TPCN2: variants seen among roughly 807,000 people sequenced by gnomAD.
The protein encoded by TPCN2 is two pore channel protein 2.
TPCN2 carries 92 observed loss-of-function variants against 111.4 expected under a neutral mutation model. The observed-to-expected ratio is 0.83, with a 90% CI of 0.70 to 0.98. The LOEUF (loss-of-function observed/expected upper bound fraction) is 0.98, where lower values mean the gene tolerates loss of function less well. TPCN2 is among the 50% of genes least tolerant of loss of function. The pLI, the probability that TPCN2 is intolerant of heterozygous loss-of-function variation, is 0.00. For synonymous variants in TPCN2, 405 were observed against 414.5 expected, an observed-to-expected ratio of 0.98 and a Z score of 0.28; for missense variants, 995 against 980.1, an observed-to-expected ratio of 1.02 and a Z score of -0.20.
At position 69,078,590 on chromosome 11, in the gene TPCN2, G is replaced by T. The variant is rs1432558720; in HGVS notation, c.1339G>T (p.Val447Leu). 3 of 1,613,920 alleles carry T rather than the reference G, an allele frequency of 1.9e-6. No individual in the cohort carries two copies. Among genetic ancestry groups the T allele is most frequent in the African/African-American group, 2.7e-5 (2 of 74,946 alleles). ...LGNLIALANL[V>L]SICVFLVLDA... ...GAACCTCATCGCCCTGGCAAACCTGGTGTCCATTTGCGTGAGTGTGGATTT... is the reference window on the plus strand; with the variant it reads ...GAACCTCATCGCCCTGGCAAACCTGTTGTCCATTTGCGTGAGTGTGGATTT... Residue 447 changes from valine to leucine, a missense_variant, in exon 14 of 25, where the codon GTG becomes TTG. By Grantham distance (32) the Val-to-Leu change is conservative. Transcript: ENST00000294309.
In TPCN2 at chr11:69,083,989, CA is replaced by C; in HGVS notation, c.1735del (p.Met579CysfsTer71). On this transcript the variant is annotated frameshift_variant, in exon 19 of 25. Transcript: ENST00000294309. LOFTEE classifies it high-confidence loss of function. ...ASTVLGLVQN[M>X]RAFGGILVVV... ...GTACCGTCCTGGGCCTGGTGCAGAA[CA>C]TGCGTGCGTTTGGCGGGATCCTGGT... 1 of 1,614,168 alleles carries C rather than the reference CA, an allele frequency of 6.2e-7. No homozygotes were observed. The highest frequency in any genetic ancestry group is 8.5e-7 in the Non-Finnish European group (1 of 1,180,036).
At chr11:69,056,783 G>A (rs1854792158) in intron 4 of TPCN2, among the ~76,000 whole-genome samples, 2 of 151,698 alleles carry the variant, frequency 1.3e-5, no homozygotes, top group Admixed American at 6.6e-5. Flanking sequence ...TGCCCGCCTC[G>A]GCCTCCCAAA....
In TPCN2 at chr11:69,048,988, G is replaced by T; in HGVS notation, c.-10G>T. ...CTTCTGAGGGTCGGGTCCAGCGCGTGGGCTGCTGGATGGCGGAACCCCAGG... is the reference window on the plus strand; with the variant it reads ...CTTCTGAGGGTCGGGTCCAGCGCGTTGGCTGCTGGATGGCGGAACCCCAGG... On this transcript the variant is annotated 5_prime_UTR_variant, in exon 1 of 25. Transcript: ENST00000294309. The T allele has an allele frequency of 8.1e-7, 1 of 1,234,636 alleles. No individual in the cohort carries two copies. The allele number at this position is 1,234,636 out of a possible 1,614,324, so 76.5% of individuals were successfully genotyped here.
chr11:69,070,618 C>A, intron 9 of TPCN2, 123 bp downstream of exon 9: 2 of 718,014 alleles, frequency 2.8e-6, no homozygotes, highest in East Asian at 2.8e-5. Flanking sequence ...GAGATCACCC[C>A]AGGGATCCCC....
chr11:69,049,145 G>C, intron 1 of TPCN2, 39 bp downstream of exon 1: 1 of 1,182,126 alleles, frequency 8.5e-7, no homozygotes, highest in Non-Finnish European at 1.1e-6. Flanking sequence ...TGGCCCGGGA[G>C]ACCAGGGTCG....
In TPCN2 at chr11:69,079,922, C is replaced by G. The variant is rs1855935703; in HGVS notation, c.1589+39C>G. 3.1e-6 allele frequency: 5 copies of G among 1,605,346 alleles called. No homozygotes were observed. The South Asian group carries it at 5.5e-5, about 18-fold the overall frequency. On this transcript the variant is annotated intron_variant, in intron 17 of 24. Coordinates refer to ENST00000294309, the MANE Select transcript of TPCN2 (RefSeq NM_139075.4). Reference sequence around the variant, plus strand: ...CAGAACCGAGGGCGGCTACAGCAAACAGCACCACCACCCAGCGCCCCTGGG... The same window carrying G: ...CAGAACCGAGGGCGGCTACAGCAAAGAGCACCACCACCCAGCGCCCCTGGG...
In TPCN2 at chr11:69,079,859, T is replaced by C. The variant is rs1477089322; in HGVS notation, c.1565T>C (p.Val522Ala). 3 of 1,613,732 alleles carry C rather than the reference T, an allele frequency of 1.9e-6. No individual in the cohort carries two copies. Among genetic ancestry groups the C allele is most frequent in the African/African-American group, 2.7e-5 (2 of 74,936 alleles). Residue 522 changes from valine (V) to alanine (A), a missense_variant, in exon 17 of 25, where the codon GTG (valine) becomes GCG (alanine). By Grantham distance (64) the Val-to-Ala change is moderately conservative. Coordinates refer to ENST00000294309, the MANE Select transcript of TPCN2 (RefSeq NM_139075.4). ...LLVLEISTLA[V>A]YRLPHPGWRP... ...GTTTTGGAGATCTCAACTCTGGCTG[T>C]GTACCGATTGCCACACCCAGGCTGG...
chr11:69,049,054 C>T lies in TPCN2; in HGVS notation c.57C>T (p.Gly19=). 8.0e-7 allele frequency: 1 copy of T among 1,242,336 alleles called. No homozygotes were observed. Among genetic ancestry groups the T allele is most frequent in the Non-Finnish European group, 1.0e-6 (1 of 988,612 alleles). 77.0% of individuals were successfully genotyped at this position (1,242,336 alleles called of 1,614,324 possible). A position where few individuals can be genotyped will look rare whatever the true frequency, so the allele number is the denominator to read the frequency against. ...EPLLGGARGG[G]GDWPAGLTTY... ...TGCTGGGCGGGGCCCGCGGCGGTGGCGGCGACTGGCCGGCGGGGCTGACCA... is the reference window on the plus strand; with the variant it reads ...TGCTGGGCGGGGCCCGCGGCGGTGGTGGCGACTGGCCGGCGGGGCTGACCA... Residue 19 remains glycine, a synonymous_variant, in exon 1 of 25, where the codon GGC becomes GGT. Transcript: ENST00000294309.
At chr11:69,050,522 C>T (rs1308429610) in intron 1 of TPCN2, among the ~76,000 whole-genome samples, 7 of 152,102 alleles carry the variant, frequency 4.6e-5, no homozygotes, top group South Asian at 2.1e-4. Flanking sequence ...GGACTGCAGG[C>T]GCCCGCCACC....
intron 13 of TPCN2, among the ~76,000 whole-genome samples, 160 bp downstream of exon 13, chr11:69,073,161 C>T (rs1051797715): frequency 6.6e-6 from 1 of 152,180 alleles, no homozygotes; most frequent in Non-Finnish European, 1.5e-5. Flanking sequence ...CTCTTTGGCT[C>T]TTGGAGACTG....
Position 69,089,692 on chromosome 11 carries a change from C to T in TPCN2, c.*1739C>T, listed in dbSNP as rs756398086. On this transcript the variant is annotated 3_prime_UTR_variant, in exon 25 of 25. Coordinates refer to ENST00000294309, the MANE Select transcript of TPCN2 (RefSeq NM_139075.4). The stretch of plus-strand genomic sequence containing the variant: ...TGGCCCTGGTCAGCTTCTCCACTGC[C>T]CAGTGAACGACCCCTTTGTAATGAA... The T allele has an allele frequency of 1.1e-4, 17 of 152,284 alleles. No homozygotes were observed. Among genetic ancestry groups the T allele is most frequent in the Non-Finnish European group, 2.4e-4 (16 of 68,070 alleles). The allele number at this position is 152,284 out of a possible 1,614,324, so 9.4% of individuals were successfully genotyped here. A position where few individuals can be genotyped will look rare whatever the true frequency, so the allele number is the denominator to read the frequency against.
chr11:69,086,884 A>G (rs1856303033), intron 23 of TPCN2, among the ~76,000 whole-genome samples: 1 of 151,388 alleles, frequency 6.6e-6, no homozygotes, highest in Non-Finnish European at 1.5e-5. Flanking sequence ...TGCTCCTGAC[A>G]TCTGGGCTGT....
At chr11:69,062,242 A>G (rs950714810) in intron 5 of TPCN2, among the ~76,000 whole-genome samples, 9 of 152,004 alleles carry the variant, frequency 5.9e-5, no homozygotes, top group Non-Finnish European at 1.0e-4. Flanking sequence ...TGAGGGATCC[A>G]CCCCACGACC....
intron 5 of TPCN2, among the ~76,000 whole-genome samples, chr11:69,062,104 T>C (rs1268505396): frequency 6.6e-6 from 1 of 152,076 alleles, no homozygotes; most frequent in African/African-American, 2.4e-5. Context: ...CATCCACTCA[T>C]GGCAGAAGGA....
At position 69,072,636 on chromosome 11, in the gene TPCN2, G is replaced by A. The variant is rs753211948; in HGVS notation, c.1071G>A (p.Val357=). The A allele has an allele frequency of 1.2e-6, 2 of 1,613,926 alleles. No homozygotes were observed. Among genetic ancestry groups the A allele is most frequent in the Non-Finnish European group, 1.7e-6 (2 of 1,179,994 alleles). The change falls in exon 12 of 25, where the codon GTG becomes GTA. Residue 357 remains valine, a synonymous_variant. Coordinates refer to ENST00000294309, the MANE Select transcript of TPCN2 (RefSeq NM_139075.4). ...EGGAFPQAVG[V]KPQNLLQVLQ... is the part of the protein sequence containing the mutation. ...GGGTTTTTCCCTGCAGAGTTGGGGT[G>A]AAGCCCCAGAACTTGCTGCAGGTGC...
At chr11:69,054,233 T>C (rs7934327) in intron 2 of TPCN2, 136 bp downstream of exon 2, 20,149 of 697,060 alleles carry the variant, frequency 0.029, 819 homozygotes, top group East Asian at 0.1. Context: ...GGGTGGAGCC[T>C]CTGGGCACGG....
chr11:69,057,556 C>G, intron 4 of TPCN2, 22 bp from the exon 5 acceptor site: 2 of 1,606,952 alleles, frequency 1.2e-6, no homozygotes, highest in Non-Finnish European at 1.7e-6. Flanking sequence ...ACTTGCTGCT[C>G]ACCCGCCCGT....
At chr11:69,084,682 G>T in intron 19 of TPCN2, 1 of 985,442 alleles carries the variant, frequency 1.0e-6, no homozygotes, top group South Asian at 4.7e-5. Flanking sequence ...TTGACGTAGG[G>T]ACCACTGGGG....
In TPCN2 at chr11:69,057,625, G is replaced by A. The variant is rs1327576278; in HGVS notation, c.477G>A (p.Leu159=). ...WAHFQKNLWL[L]GYLVVLVVSL... is the part of the protein sequence containing the mutation. ...ATTTCCAGAAAAACCTTTGGCTGCT[G>A]GGCTACCTCGTGGTGCTGGTGGTGT... The change falls in exon 5 of 25, where the codon CTG becomes CTA. Residue 159 remains leucine, a synonymous_variant. Coordinates refer to ENST00000294309, the MANE Select transcript of TPCN2 (RefSeq NM_139075.4). 6.2e-7 allele frequency: 1 copy of A among 1,614,222 alleles called. No homozygotes were observed. The highest frequency in any genetic ancestry group is 1.7e-5 in the Admixed American group (1 of 60,028).
Sources: allele counts gnomAD v4.1 joint callset (sites outside exome capture counted in the v4.1 genomes callset), GRCh38; gene constraint gnomAD v4.1.1; transcripts MANE v1.5; gene names NCBI Gene and HGNC (gene_info 2026-07-23, HGNC 2026-07-21).